The following LCOR variants were observed in gnomAD, a reference collection of about 807,000 sequenced individuals.
The protein encoded by LCOR is ligand-dependent corepressor.
A neutral mutation model predicts 64.4 loss-of-function variants in LCOR; 14 were observed. That is an observed-to-expected ratio of 0.22 (90% CI 0.14 to 0.34). LCOR has a LOEUF of 0.34. LCOR is among the 10% of genes least tolerant of loss of function. The probability of loss-of-function intolerance (pLI) is 1.00; values close to 1 mark genes in which losing one functional copy is unlikely to be tolerated. For synonymous variants in LCOR, 643 were observed against 642.5 expected (o/e 1.00, Z -0.01); for missense variants, 1,686 against 1,765.3 (o/e 0.96, Z 0.80).
At chr10:96,856,996 A>G (rs1365097271) in intron 2 of LCOR, among the ~76,000 whole-genome samples, 2 of 151,924 alleles carry the variant, frequency 1.3e-5, no homozygotes, top group African/African-American at 4.8e-5. Flanking sequence ...GAAAAAATAG[A>G]CTTAACCACT....
chr10:96,875,886 A>G (rs898284640), intron 2 of LCOR, among the ~76,000 whole-genome samples: 1 of 151,988 alleles, frequency 6.6e-6, no homozygotes, highest in Non-Finnish European at 1.5e-5. Flanking sequence ...AACAAAAAAC[A>G]CACATGGTCC....
At chr10:96,957,225 T>C (rs150802666) in intron 7 of LCOR, 16 of 984,892 alleles carry the variant, frequency 1.6e-5, no homozygotes, top group Admixed American at 6.2e-5. Context: ...GTTTTTGGCA[T>C]CCTACATAAT....
chr10:96,860,855 A>G (rs1442748018), intron 2 of LCOR, among the ~76,000 whole-genome samples: 1 of 152,214 alleles, frequency 6.6e-6, no homozygotes, highest in Non-Finnish European at 1.5e-5. Context: ...CATGTGTGAA[A>G]ACTAATAGAA....
rs750628760 is a variant in LCOR at position 96,993,760 on chromosome 10, T to TA, written c.*8626_*8627insA. The TA allele has an allele frequency of 6.8e-6, 1 of 146,106 alleles. No individual in the cohort carries two copies. The highest frequency in any genetic ancestry group is 6.9e-5 in the Admixed American group (1 of 14,536). The allele number at this position is 146,106 out of a possible 1,614,324, so 9.1% of individuals were successfully genotyped here. A position where few individuals can be genotyped will look rare whatever the true frequency, so the allele number is the denominator to read the frequency against. Reference sequence around the variant, plus strand: ...GGTTATGTTATATTATATATATATATTATATATATATATATACAGGTGTAT... The same window carrying TA: ...GGTTATGTTATATTATATATATATATATATATATATATATATACAGGTGTAT... On this transcript the variant is annotated 3_prime_UTR_variant, in exon 8 of 8. Coordinates refer to ENST00000421806, the MANE Select transcript of LCOR (RefSeq NM_001346516.2).
At chr10:96,900,752 T>A (rs1846619950) in intron 2 of LCOR, among the ~76,000 whole-genome samples, 1 of 113,034 alleles carries the variant, frequency 8.8e-6, no homozygotes, top group Non-Finnish European at 1.8e-5. Context: ...CCAGAGTGAA[T>A]GGCTGTTCTA....
At chr10:96,955,433 T>C (rs1564637486) in intron 7 of LCOR, 1 of 1,614,112 alleles carries the variant, frequency 6.2e-7, no homozygotes, top group Non-Finnish European at 8.5e-7. Flanking sequence ...GCACTGGTGA[T>C]CAGTACAGCT....
At chr10:96,929,208 C>T (rs1388784637) in intron 4 of LCOR, among the ~76,000 whole-genome samples, 1 of 152,194 alleles carries the variant, frequency 6.6e-6, no homozygotes, top group African/African-American at 2.4e-5. Flanking sequence ...ATTGACTTGT[C>T]CTCTCTCACT....
chr10:96,898,988 C>T (rs189903998), intron 2 of LCOR, among the ~76,000 whole-genome samples: 3 of 151,988 alleles, frequency 2.0e-5, no homozygotes, highest in Admixed American at 1.3e-4. Context: ...ACTCAATGAC[C>T]GGAATACTTG....
At chr10:96,959,647 T>C (rs1296097528) in intron 7 of LCOR, 1 of 152,222 alleles carries the variant, frequency 6.6e-6, no homozygotes, top group Non-Finnish European at 1.5e-5. Context: ...TGATGAGCTA[T>C]ACACTTTTTT....
intron 4 of LCOR, among the ~76,000 whole-genome samples, chr10:96,909,392 G>A (rs1440607974): frequency 6.6e-6 from 1 of 152,078 alleles, no homozygotes; most frequent in East Asian, 1.9e-4. Context: ...TTACTCTTAA[G>A]CCCCATCGTT....
intron 2 of LCOR, among the ~76,000 whole-genome samples, chr10:96,901,739 TC>T (rs1564620218): frequency 6.6e-6 from 1 of 152,198 alleles, no homozygotes; most frequent in Admixed American, 6.5e-5. Context: ...GGCCATTTCT[TC>T]CTTCCTTCCT....
At chr10:96,921,706 C>T (rs1847084726) in intron 4 of LCOR, among the ~76,000 whole-genome samples, 1 of 152,142 alleles carries the variant, frequency 6.6e-6, no homozygotes, top group African/African-American at 2.4e-5. Flanking sequence ...TCAAGTGATC[C>T]ACCTGCCTTG....
intron 7 of LCOR, chr10:96,956,238 T>TTG (rs1847771458): frequency 9.6e-7 from 1 of 1,037,052 alleles, no homozygotes; most frequent in African/African-American, 1.7e-5. Context: ...TTTGTTTTTT[T>TTG]TTGTTGTTGT....
intron 4 of LCOR, among the ~76,000 whole-genome samples, chr10:96,928,344 C>T (rs186751389): frequency 5.4e-4 from 82 of 152,228 alleles, no homozygotes; most frequent in African/African-American, 1.9e-3. Flanking sequence ...GCATCTTCAC[C>T]AGGAGTAGAT....
intron 7 of LCOR, among the ~76,000 whole-genome samples, chr10:96,965,641 G>A (rs1393443389): frequency 1.5e-5 from 2 of 130,324 alleles, no homozygotes; most frequent in Non-Finnish European, 1.6e-5. Flanking sequence ...CAGCCTGGGC[G>A]ACAGAGCGAG....
chr10:96,869,573 T>C (rs921510753), intron 2 of LCOR, among the ~76,000 whole-genome samples: 7 of 150,780 alleles, frequency 4.6e-5, no homozygotes, highest in African/African-American at 9.8e-5. Context: ...TTCTTTCTTT[T>C]TTTTTTTTTT....
intron 2 of LCOR, among the ~76,000 whole-genome samples, chr10:96,875,951 A>G (rs553624564): frequency 6.6e-6 from 1 of 152,202 alleles, no homozygotes; most frequent in African/African-American, 2.4e-5. Context: ...CCCAGATTCT[A>G]CTGGTAAAAG....
intron 4 of LCOR, among the ~76,000 whole-genome samples, chr10:96,917,575 C>G (rs1237390960): frequency 6.6e-6 from 1 of 152,142 alleles, no homozygotes; most frequent in African/African-American, 2.4e-5. Context: ...GAAGTTAGAA[C>G]TCAAACTGAA....
At chr10:96,886,246 A>G (rs1012707834) in intron 2 of LCOR, among the ~76,000 whole-genome samples, 1 of 152,194 alleles carries the variant, frequency 6.6e-6, no homozygotes, top group Non-Finnish European at 1.5e-5. Flanking sequence ...GAACTTTAGT[A>G]ATCAGTTCAT....
Sources: gnomAD v4.1 joint callset for allele counts (sites outside exome capture counted in the v4.1 genomes callset) on GRCh38, gnomAD v4.1.1 for gene constraint, MANE v1.5 for transcripts, NCBI Gene and HGNC (gene_info 2026-07-23, HGNC 2026-07-21) for gene names.